The following NFATC3 variants were observed in gnomAD, a reference collection of about 807,000 sequenced individuals.
NFATC3 encodes nuclear factor of activated T cells 3, also known as nuclear factor of activated T-cells, cytoplasmic 3.
In NFATC3, 46 loss-of-function variants were observed where a neutral mutation model predicts 98.6. That is an observed-to-expected ratio of 0.47 (90% CI 0.37 to 0.60). The LOEUF (loss-of-function observed/expected upper bound fraction) is 0.60. Ranked by LOEUF, NFATC3 falls within the 20% of genes least tolerant of loss-of-function variation. The pLI is 0.00. For missense variants in NFATC3, 1,256 were observed against 1,295.5 expected (o/e 0.97, Z 0.47); for synonymous variants, 512 against 472.2 (o/e 1.08, Z -1.09).
chr16:68,104,286 G>A (rs911452482), intron 1 of NFATC3, among the ~76,000 whole-genome samples: 3 of 152,028 alleles, frequency 2.0e-5, no homozygotes, highest in African/African-American at 4.8e-5. Flanking sequence ...TTCTTTTGGA[G>A]GTTACTGTAA....
chr16:68,162,784 T>G (rs917023670), intron 4 of NFATC3, among the ~76,000 whole-genome samples: 2 of 151,876 alleles, frequency 1.3e-5, no homozygotes, highest in Admixed American at 6.6e-5. Context: ...CTTGGGTGTT[T>G]CTCGCAGAGG....
At chr16:68,156,886 C>G (rs1036470712) in intron 3 of NFATC3, among the ~76,000 whole-genome samples, 1 of 152,132 alleles carries the variant, frequency 6.6e-6, no homozygotes, top group African/African-American at 2.4e-5. Context: ...TTGCACTGAG[C>G]AGAGATCGTA....
chr16:68,111,303 T>G (rs1272526182), intron 1 of NFATC3, among the ~76,000 whole-genome samples: 1 of 152,208 alleles, frequency 6.6e-6, no homozygotes, highest in Non-Finnish European at 1.5e-5. Context: ...AAACTGAGTG[T>G]GCCTGTATTG....
chr16:68,106,685 C>G (rs2035673419), intron 1 of NFATC3, among the ~76,000 whole-genome samples: 1 of 151,988 alleles, frequency 6.6e-6, no homozygotes, highest in Non-Finnish European at 1.5e-5. Context: ...CTCAGCCTCC[C>G]AAAGAGCTGG....
intron 4 of NFATC3, among the ~76,000 whole-genome samples, chr16:68,165,750 T>G (rs970900182): frequency 1.3e-5 from 2 of 152,242 alleles, no homozygotes; most frequent in African/African-American, 2.4e-5. Context: ...AAGTGACTTC[T>G]GCAGCCTCTG....
intron 9 of NFATC3, among the ~76,000 whole-genome samples, chr16:68,217,325 G>A (rs1000497745): frequency 6.6e-6 from 1 of 151,684 alleles, no homozygotes; most frequent in Admixed American, 6.6e-5. Flanking sequence ...CCAGCTACTC[G>A]GGAGGCTGAG....
At chr16:68,117,567 G>A (rs1310196333) in intron 1 of NFATC3, among the ~76,000 whole-genome samples, 1 of 152,116 alleles carries the variant, frequency 6.6e-6, no homozygotes, top group Non-Finnish European at 1.5e-5. Flanking sequence ...GAGTGCAATG[G>A]CGCTATCTTG....
At chr16:68,163,739 A>C (rs1226106260) in intron 4 of NFATC3, among the ~76,000 whole-genome samples, 4 of 149,676 alleles carry the variant, frequency 2.7e-5, no homozygotes, top group African/African-American at 9.9e-5. Context: ...GCGGCTGGGC[A>C]GAGGCGCTCC....
intron 4 of NFATC3, 44 bp downstream of exon 4, chr16:68,158,112 A>G (rs752740760): frequency 1.6e-6 from 2 of 1,259,776 alleles, no homozygotes; most frequent in Non-Finnish European, 1.1e-6. Flanking sequence ...TTTTTTCTCT[A>G]TACTTTCAGA....
At chr16:68,129,115 G>A (rs1008806090) in intron 3 of NFATC3, among the ~76,000 whole-genome samples, 1 of 152,014 alleles carries the variant, frequency 6.6e-6, no homozygotes, top group African/African-American at 2.4e-5. Context: ...TTGAAAAATA[G>A]CCAAGTACAA....
intron 9 of NFATC3, among the ~76,000 whole-genome samples, chr16:68,222,699 T>C (rs2151181892): frequency 6.6e-6 from 1 of 152,338 alleles, no homozygotes; most frequent in South Asian, 2.1e-4. Context: ...AGTGATTGTA[T>C]TGAATTAGGG....
intron 3 of NFATC3, among the ~76,000 whole-genome samples, chr16:68,150,223 A>G (rs922171414): frequency 3.9e-5 from 6 of 152,062 alleles, no homozygotes; most frequent in Middle Eastern, 3.2e-3. Context: ...CCCACTCTCA[A>G]AAAAAGCCCC....
At chr16:68,166,372 G>T (rs1302107303) in intron 4 of NFATC3, among the ~76,000 whole-genome samples, 1 of 152,164 alleles carries the variant, frequency 6.6e-6, no homozygotes, top group Non-Finnish European at 1.5e-5. Flanking sequence ...TGGCTGGAGT[G>T]GTTAGGGATT....
intron 3 of NFATC3, chr16:68,138,778 A>G: frequency 3.1e-6 from 4 of 1,270,496 alleles, no homozygotes; most frequent in Non-Finnish European, 3.1e-6. Flanking sequence ...AGAACTCTAT[A>G]CTTAAATCTT....
intron 9 of NFATC3, among the ~76,000 whole-genome samples, chr16:68,203,523 C>T (rs1242829839): frequency 6.6e-6 from 1 of 152,022 alleles, no homozygotes; most frequent in Non-Finnish European, 1.5e-5. Context: ...GTCCCAGCTA[C>T]TCGAGAGGCT....
At chr16:68,149,425 A>G (rs1383235216) in intron 3 of NFATC3, among the ~76,000 whole-genome samples, 1 of 152,214 alleles carries the variant, frequency 6.6e-6, no homozygotes, top group Non-Finnish European at 1.5e-5. Flanking sequence ...TTGTTTATGC[A>G]GCCAAACTTA....
At chr16:68,179,167 CT>C (rs2039849009) in intron 6 of NFATC3, among the ~76,000 whole-genome samples, 1 of 152,204 alleles carries the variant, frequency 6.6e-6, no homozygotes, top group Non-Finnish European at 1.5e-5. Context: ...AGTTCAAGAG[CT>C]CTTCCAGGAA....
chr16:68,167,780 A>G (rs1158396666), intron 5 of NFATC3, among the ~76,000 whole-genome samples: 1 of 111,954 alleles, frequency 8.9e-6, no homozygotes, highest in Non-Finnish European at 1.9e-5. Flanking sequence ...TTGATTATAT[A>G]ATGTTTTATA....
chr16:68,189,355 A>G (rs1018457506), intron 8 of NFATC3: 7 of 212,934 alleles, frequency 3.3e-5, no homozygotes, highest in Non-Finnish European at 7.0e-5. Context: ...GGACAAATCA[A>G]TGCCTTATTT....
Sources: gnomAD v4.1 joint callset for allele counts (sites outside exome capture counted in the v4.1 genomes callset) on GRCh38, gnomAD v4.1.1 for gene constraint, MANE v1.5 for transcripts, NCBI Gene and HGNC (gene_info 2026-07-23, HGNC 2026-07-21) for gene names.